The following PRKG1 variants were observed in gnomAD, a reference collection of about 807,000 sequenced individuals.
PRKG1 encodes the protein protein kinase cGMP-dependent 1.
Under a neutral mutation model 88.1 loss-of-function variants are expected in PRKG1, and 35 were observed. That is an observed-to-expected ratio of 0.40 (90% confidence interval 0.30 to 0.53). The LOEUF is 0.53. Ranked by LOEUF, PRKG1 falls within the 20% of genes least tolerant of loss-of-function variation. PRKG1 has a pLI of 0.59. For synonymous variants in PRKG1, 303 were observed against 292.5 expected, an observed-to-expected ratio of 1.04 and a Z score of -0.37; for missense variants, 540 against 839.8, an observed-to-expected ratio of 0.64 and a Z score of 4.41.
chr10:52,179,060 G>A lies in PRKG1; in HGVS notation c.1076+17097G>A, dbSNP rs147536790. On this transcript the variant is annotated intron_variant, in intron 9 of 17. Coordinates refer to ENST00000373980, the MANE Select transcript of PRKG1 (RefSeq NM_006258.4). ...TTGTCATTTGATTCATTTTTTTCTT[G>A]TTGTTTTGTATATCCTTTGTTCCTT... Among the ~76,000 whole-genome samples the A allele has an allele frequency of 1.2e-3, 179 of 150,198 alleles. 2 individuals are homozygous for A. Among genetic ancestry groups the A allele is most frequent in the African/African-American group, 4.3e-3 (176 of 40,982 alleles).
chr10:52,142,783 G>A (rs763100504), intron 8 of PRKG1, among the ~76,000 whole-genome samples: 2 of 152,052 alleles, frequency 1.3e-5, no homozygotes, highest in Non-Finnish European at 2.9e-5. Context: ...GCTTTGGTTC[G>A]CCTGTTGATT....
At position 52,151,350 on chromosome 10, in the gene PRKG1, G is replaced by T. The variant is rs183769852; in HGVS notation, c.1002-10539G>T. Among the ~76,000 whole-genome samples the T allele has an allele frequency of 3.4e-3, 514 of 152,192 alleles. 2 individuals are homozygous for T. The highest frequency in any genetic ancestry group is 6.1e-3 in the Admixed American group (93 of 15,272). ...TGCTTTGAGAATACCAAAATTTGGA[G>T]AAAAAATTCACATTTGCTTCTACAT... is the stretch of plus-strand genomic sequence containing the variant. On this transcript the variant is annotated intron_variant, in intron 8 of 17. Transcript: ENST00000373980.
At chr10:51,505,444 T>A (rs2132049636) in intron 3 of PRKG1, among the ~76,000 whole-genome samples, 1 of 152,290 alleles carries the variant, frequency 6.6e-6, no homozygotes, top group Non-Finnish European at 1.5e-5. Context: ...TTTTTTGTTG[T>A]GTCTCTGCTA....
chr10:52,240,681 A>G (rs182483857), intron 9 of PRKG1, among the ~76,000 whole-genome samples: 40 of 152,240 alleles, frequency 2.6e-4, no homozygotes, highest in African/African-American at 8.9e-4. Flanking sequence ...ACCGATCACT[A>G]TTACCAAACA....
At chr10:51,120,089 T>G (rs914717266) in intron 1 of PRKG1, among the ~76,000 whole-genome samples, 1 of 152,242 alleles carries the variant, frequency 6.6e-6, no homozygotes, top group East Asian at 1.9e-4. Context: ...TTTTAACTTT[T>G]AAGAAAAAGT....
chr10:51,231,998 T>C (rs568499315), intron 2 of PRKG1, among the ~76,000 whole-genome samples: 6 of 152,338 alleles, frequency 3.9e-5, no homozygotes, highest in Admixed American at 2.0e-4. Context: ...TAAACAGTCA[T>C]ATTTTTATTG....
At chr10:52,283,419 C>T (rs1564545207) in intron 14 of PRKG1, among the ~76,000 whole-genome samples, 3 of 152,056 alleles carry the variant, frequency 2.0e-5, no homozygotes, top group African/African-American at 4.8e-5. Context: ...ACAGGGTACT[C>T]TGTGAGGATT....
chr10:51,966,751 C>G (rs1022203133), intron 5 of PRKG1, among the ~76,000 whole-genome samples: 1 of 152,190 alleles, frequency 6.6e-6, no homozygotes, highest in Non-Finnish European at 1.5e-5. Flanking sequence ...GTGCCACTTT[C>G]ACTCTCCTTT....
intron 3 of PRKG1, among the ~76,000 whole-genome samples, chr10:51,490,217 C>T (rs1840669370): frequency 6.6e-6 from 1 of 151,972 alleles, no homozygotes; most frequent in African/African-American, 2.4e-5. Flanking sequence ...ATGGTGTAAG[C>T]AATAATTTTA....
chr10:51,659,576 T>A (rs1840244340), intron 3 of PRKG1, among the ~76,000 whole-genome samples: 2 of 152,118 alleles, frequency 1.3e-5, no homozygotes, highest in Admixed American at 1.3e-4. Context: ...AGGGGAAATT[T>A]AGGAGTATGA....
At chr10:52,058,381 T>G (rs887876115) in intron 6 of PRKG1, among the ~76,000 whole-genome samples, 2 of 152,024 alleles carry the variant, frequency 1.3e-5, no homozygotes, top group African/African-American at 2.4e-5. Context: ...AATCACATTA[T>G]CATGCCAAAT....
chr10:51,028,133 A>C (rs1843233100), intron 1 of PRKG1, among the ~76,000 whole-genome samples: 1 of 152,288 alleles, frequency 6.6e-6, no homozygotes, highest in African/African-American at 2.4e-5. Context: ...TTTGAGAAAG[A>C]CAAATAACTC....
chr10:51,302,449 AT>A (rs1840915334), intron 2 of PRKG1: 1 of 152,122 alleles, frequency 6.6e-6, no homozygotes, highest in South Asian at 2.1e-4. Flanking sequence ...TGATGATGTA[AT>A]TGAGACCTAA....
At chr10:51,699,598 C>A (rs778476876) in intron 3 of PRKG1, 2 of 1,546,668 alleles carry the variant, frequency 1.3e-6, no homozygotes, top group Non-Finnish European at 1.7e-6. Context: ...AGGCGTCTGT[C>A]CTCTTGCGAC....
chr10:52,238,506 T>C (rs61849165), intron 9 of PRKG1, among the ~76,000 whole-genome samples: 218 of 152,008 alleles, frequency 1.4e-3, no homozygotes, highest in Non-Finnish European at 2.4e-3. Context: ...AAAAAGTGGG[T>C]GAAGGACATG....
At chr10:51,465,683 AC>A (rs1839887786) in intron 2 of PRKG1, among the ~76,000 whole-genome samples, 1 of 151,956 alleles carries the variant, frequency 6.6e-6, no homozygotes, top group African/African-American at 2.4e-5. Context: ...TCTCTCCTCA[AC>A]CCCCCATAGA....
At chr10:51,496,302 T>G (rs1812455128) in intron 3 of PRKG1, among the ~76,000 whole-genome samples, 1 of 152,190 alleles carries the variant, frequency 6.6e-6, no homozygotes, top group South Asian at 2.1e-4. Context: ...TAGAGGCAAA[T>G]ATCTGATTTA....
chr10:51,987,471 T>TC (rs1554864573), intron 5 of PRKG1, among the ~76,000 whole-genome samples: 2 of 151,752 alleles, frequency 1.3e-5, no homozygotes, highest in African/African-American at 4.8e-5. Context: ...TTTTTTTTTT[T>TC]TTTCTGAAAC....
intron 10 of PRKG1, among the ~76,000 whole-genome samples, chr10:52,267,446 T>A (rs1841604619): frequency 6.6e-6 from 1 of 151,870 alleles, no homozygotes; most frequent in African/African-American, 2.4e-5. Context: ...GACTTGCAAG[T>A]TTTTTCATGA....
Sources: gnomAD v4.1 joint callset for allele counts (sites outside exome capture counted in the v4.1 genomes callset) on GRCh38, gnomAD v4.1.1 for gene constraint, MANE v1.5 for transcripts, NCBI Gene and HGNC (gene_info 2026-07-23, HGNC 2026-07-21) for gene names.